STXBP5: variants seen among roughly 807,000 people sequenced by gnomAD.
STXBP5 encodes syntaxin-binding protein 5.
A neutral mutation model predicts 152.4 loss-of-function variants in STXBP5; 50 were observed. The observed-to-expected ratio is 0.33, with a 90% CI of 0.26 to 0.42. The LOEUF (loss-of-function observed/expected upper bound fraction) is 0.42. Among genes scored for constraint, STXBP5 ranks in the 10% least tolerant of loss-of-function variants. STXBP5 has a pLI of 1.00. For synonymous variants in STXBP5, 492 were observed against 494.7 expected, an observed-to-expected ratio of 0.99 and a Z score of 0.07; for missense variants, 1,167 against 1,388.6, an observed-to-expected ratio of 0.84 and a Z score of 2.54.
chr6:147,382,703 T>C, intron 26 of STXBP5, 75 bp from the exon 27 acceptor site: 1 of 1,488,242 alleles, frequency 6.7e-7, no homozygotes. Flanking sequence ...AAAATTGTAT[T>C]TTAATGTAGT....
At chr6:147,292,193 G>A in intron 9 of STXBP5, 1 of 438,988 alleles carries the variant, frequency 2.3e-6, no homozygotes, top group South Asian at 1.6e-5. Context: ...TTGAGTAAAG[G>A]TACCAGGCTA....
At chr6:147,280,556 A>C (rs963972475) in intron 8 of STXBP5, among the ~76,000 whole-genome samples, 1 of 152,198 alleles carries the variant, frequency 6.6e-6, no homozygotes, top group African/African-American at 2.4e-5. Context: ...AACATATTAT[A>C]CTTCATCAAA....
chr6:147,383,185 T>A (rs1786176850), intron 27 of STXBP5, among the ~76,000 whole-genome samples, 187 bp downstream of exon 27: 1 of 152,100 alleles, frequency 6.6e-6, no homozygotes, highest in Non-Finnish European at 1.5e-5. Flanking sequence ...TAGCCTTTGG[T>A]TTCTTACTAT....
At chr6:147,311,390 C>T (rs1782367324) in intron 10 of STXBP5, 65 bp from the exon 11 acceptor site, 5 of 1,310,664 alleles carry the variant, frequency 3.8e-6, no homozygotes, top group Non-Finnish European at 5.5e-6. Flanking sequence ...AAGCAAGAAA[C>T]ATTTATCTAA....
At chr6:147,247,448 T>G (rs979768829) in intron 4 of STXBP5, among the ~76,000 whole-genome samples, 1 of 152,112 alleles carries the variant, frequency 6.6e-6, no homozygotes, top group Non-Finnish European at 1.5e-5. Flanking sequence ...AAATGATGAG[T>G]CATCTTGGAA....
intron 19 of STXBP5, among the ~76,000 whole-genome samples, chr6:147,337,165 A>C (rs1007935454): frequency 2.4e-4 from 36 of 151,474 alleles, no homozygotes; most frequent in African/African-American, 8.2e-4. Flanking sequence ...TACTGCATGC[A>C]AAGATATATA....
intron 22 of STXBP5, among the ~76,000 whole-genome samples, chr6:147,358,807 G>T (rs922707531): frequency 6.6e-5 from 10 of 151,980 alleles, no homozygotes; most frequent in African/African-American, 2.2e-4. Flanking sequence ...CCCAAAGGTG[G>T]TTTTTCCATA....
In STXBP5 at chr6:147,389,022, C is replaced by G. The variant is rs1282146450; in HGVS notation, c.*4267C>G. On this transcript the variant is annotated 3_prime_UTR_variant, in exon 28 of 28. Coordinates refer to ENST00000321680, the MANE Select transcript of STXBP5 (RefSeq NM_001127715.4). ...TTACTTTGGGGGGAAAAAAGCACTC[C>G]TATATCTTAAATGTCCTTCTTTTTT... 1 of 151,436 alleles carries G rather than the reference C, an allele frequency of 6.6e-6. No individual in the cohort carries two copies. Among genetic ancestry groups the G allele is most frequent in the African/African-American group, 2.4e-5 (1 of 41,348 alleles). The allele number at this position is 151,436 out of a possible 1,614,324, so 9.4% of individuals were successfully genotyped here. A position where few individuals can be genotyped will look rare whatever the true frequency, so the allele number is the denominator to read the frequency against.
Position 147,316,144 on chromosome 6 carries a change from A to G in STXBP5, c.1624-85A>G, listed in dbSNP as rs1226787173. The G allele has an allele frequency of 8.7e-6, 11 of 1,268,542 alleles. No individual in the cohort carries two copies. The East Asian group carries it at 2.7e-4, about 31-fold the overall frequency. 78.6% of individuals were successfully genotyped at this position (1,268,542 alleles called of 1,614,324 possible). On this transcript the variant is annotated intron_variant, in intron 15 of 27. Transcript: ENST00000321680. ...ATCTTCTTGCCACTGAAGTTTATGT[A>G]AAGTGTGTGTGTATGTGTGTATAAA...
chr6:147,245,113 C>T (rs946177690), intron 4 of STXBP5, among the ~76,000 whole-genome samples: 1 of 150,780 alleles, frequency 6.6e-6, no homozygotes, highest in African/African-American at 2.4e-5. Context: ...CTGAGCCTCA[C>T]GAGTAGCTGG....
At position 147,204,805 on chromosome 6, in the gene STXBP5, T is replaced by A; in HGVS notation, c.150+123T>A. 9.0e-7 allele frequency: 1 copy of A among 1,111,008 alleles called. No individual in the cohort carries two copies. The highest frequency in any genetic ancestry group is 1.2e-6 in the Non-Finnish European group (1 of 814,270). The allele number at this position is 1,111,008 out of a possible 1,614,324, so 68.8% of individuals were successfully genotyped here. On this transcript the variant is annotated intron_variant, in intron 1 of 27. Transcript: ENST00000321680. This position sits in a 1 kb window ranked among gnomAD's most constrained non-coding sequence, Gnocchi z 4.3. ...ACGCCAATAATAATAATAATAACTC[T>A]AATAAAAGGCTCGCTCCTCCCTTGG... is the stretch of plus-strand genomic sequence containing the variant.
In STXBP5 at chr6:147,386,638, G is replaced by C. The variant is rs1294927054; in HGVS notation, c.*1883G>C. 3 of 151,934 alleles carry C rather than the reference G, an allele frequency of 2.0e-5. No individual in the cohort carries two copies. The East Asian group carries it at 5.8e-4, about 29-fold the overall frequency. 9.4% of individuals were successfully genotyped at this position (151,934 alleles called of 1,614,324 possible). On this transcript the variant is annotated 3_prime_UTR_variant, in exon 28 of 28. Transcript: ENST00000321680. ...TCTGTTTCGTTAATGTCAGCTGCCT[G>C]AACATTCAGCAGTTTATAAATTGCT... is the stretch of plus-strand genomic sequence containing the variant.
Position 147,378,095 on chromosome 6 carries a change from A to G in STXBP5, c.3193+4253A>G, listed in dbSNP as rs565418057. 1.4e-3 allele frequency among the ~76,000 whole-genome samples: 209 copies of G among 152,258 alleles called. 1 individual carries two copies. Among genetic ancestry groups the G allele is most frequent in the South Asian group, 7.0e-3 (34 of 4,828 alleles). Reference sequence around the variant, plus strand: ...TGAAGCCATCATTTTAAACTTTTCTACAAGTAAACTTCTGGTACAAATTGG... The same window carrying G: ...TGAAGCCATCATTTTAAACTTTTCTGCAAGTAAACTTCTGGTACAAATTGG... On this transcript the variant is annotated intron_variant, in intron 26 of 27. Coordinates refer to ENST00000321680, the MANE Select transcript of STXBP5 (RefSeq NM_001127715.4).
At chr6:147,377,062 AATC>A (rs762743616) in intron 26 of STXBP5, among the ~76,000 whole-genome samples, 62 of 152,300 alleles carry the variant, frequency 4.1e-4, no homozygotes, top group Non-Finnish European at 6.6e-4. Context: ...ACAGTTTCTC[AATC>A]ATCATCATAA....
At chr6:147,370,350 C>G (rs149923581) in intron 25 of STXBP5, among the ~76,000 whole-genome samples, 4 of 151,974 alleles carry the variant, frequency 2.6e-5, no homozygotes, top group East Asian at 1.9e-4. Context: ...ATGCATATGG[C>G]GAAATTCACC....
intron 2 of STXBP5, among the ~76,000 whole-genome samples, chr6:147,222,325 A>G: frequency 6.6e-6 from 1 of 152,054 alleles, no homozygotes; most frequent in Non-Finnish European, 1.5e-5. Context: ...TGATATCGGG[A>G]CATGATGTAC....
chr6:147,244,149 ATTAT>A (rs1778684456), intron 4 of STXBP5, among the ~76,000 whole-genome samples: 1 of 152,206 alleles, frequency 6.6e-6, no homozygotes, highest in South Asian at 2.1e-4. Context: ...TAATCAAGAG[ATTAT>A]TTAATGTGCA....
In STXBP5 at chr6:147,339,324, A is replaced by G. The variant is rs2128397438; in HGVS notation, c.2207-13A>G. 1.3e-6 allele frequency: 2 copies of G among 1,516,496 alleles called. No homozygotes were observed. Among genetic ancestry groups the G allele is most frequent in the East Asian group, 2.5e-5 (1 of 40,068 alleles). 93.9% of individuals were successfully genotyped at this position (1,516,496 alleles called of 1,614,324 possible). ...CTAGATTTTGACATTTTATATCAAA[A>G]TATTGTTTTCAGTGAAGACCAAAAG... is the stretch of plus-strand genomic sequence containing the variant. On this transcript the variant is annotated splice_polypyrimidine_tract_variant and intron_variant, in intron 20 of 27. Transcript: ENST00000321680.
intron 22 of STXBP5, among the ~76,000 whole-genome samples, chr6:147,354,009 A>G (rs973922368): frequency 6.6e-6 from 1 of 152,206 alleles, no homozygotes; most frequent in Non-Finnish European, 1.5e-5. Flanking sequence ...TGTAATACAT[A>G]TAAAACATGG....
Sources: allele counts gnomAD v4.1 joint callset (sites outside exome capture counted in the v4.1 genomes callset), GRCh38; gene constraint gnomAD v4.1.1; non-coding constraint Gnocchi (gnomAD v3.1); transcripts MANE v1.5; gene names NCBI Gene and HGNC (gene_info 2026-07-23, HGNC 2026-07-21).